KCNJ15: variants seen among roughly 807,000 people sequenced by gnomAD.
KCNJ15 encodes the protein potassium inwardly rectifying channel subfamily J member 15.
Under a neutral mutation model 23.0 loss-of-function variants are expected in KCNJ15, and 14 were observed. The ratio of observed to expected loss-of-function variants is 0.61; its 90% CI spans 0.40 to 0.95. The LOEUF (loss-of-function observed/expected upper bound fraction) is 0.95, where lower values mean the gene tolerates loss of function less well. Ranked by LOEUF, KCNJ15 falls within the 40% of genes least tolerant of loss-of-function variation. KCNJ15 has a pLI of 0.00. For missense variants in KCNJ15, 388 were observed against 461.8 expected (o/e 0.84, Z 1.46); for synonymous variants, 185 against 183.2 (o/e 1.01, Z -0.08).
At position 38,300,260 on chromosome 21, in the gene KCNJ15, T is replaced by C. The variant is rs2146355727; in HGVS notation, c.999T>C (p.Ile333=). The stretch of plus-strand genomic sequence containing the variant: ...CTGATTTCAGTCAGTTTGAACAGAT[T>C]CGGAAAAGCCCAGATTGCACATTTT... ...YVADFSQFEQ[I]RKSPDCTFYC... Residue 333 remains isoleucine (I), a synonymous_variant, in exon 3 of 3, where the codon ATT becomes ATC. Coordinates refer to ENST00000398938, the MANE Select transcript of KCNJ15 (RefSeq NM_170736.3). 1 of 1,614,214 alleles carries C rather than the reference T, an allele frequency of 6.2e-7. No individual in the cohort carries two copies. Among genetic ancestry groups the C allele is most frequent in the Non-Finnish European group, 8.5e-7 (1 of 1,180,042 alleles).
chr21:38,285,990 T>C (rs1983847231), intron 1 of KCNJ15, among the ~76,000 whole-genome samples: 1 of 152,198 alleles, frequency 6.6e-6, no homozygotes, highest in Non-Finnish European at 1.5e-5. Flanking sequence ...ATGCCTGTAA[T>C]CCCAGCACTT....
intron 1 of KCNJ15, among the ~76,000 whole-genome samples, chr21:38,230,357 T>G (rs1466702414): frequency 6.6e-6 from 1 of 152,166 alleles, no homozygotes; most frequent in African/African-American, 2.4e-5. Flanking sequence ...GATCCATTAT[T>G]GTTTTTTAAA....
Position 38,292,213 on chromosome 21 carries a change from T to TCGTCACCTAGAAAA in KCNJ15, c.-116-4712_-116-4699dup, listed in dbSNP as rs1405105482. Among the ~76,000 whole-genome samples, 3 of 152,338 alleles carry TCGTCACCTAGAAAA rather than the reference T, an allele frequency of 2.0e-5. No homozygotes were observed. In the South Asian group the frequency reaches 6.2e-4, roughly 32 times the overall value. ...TTATTTAATTTCTCTAAGCTTAGTT[T>TCGTCACCTAGAAAA]CGTCACCTAGAAAATAGAGAAAATA... On this transcript the variant is annotated intron_variant, in intron 1 of 2. Coordinates refer to ENST00000398938, the MANE Select transcript of KCNJ15 (RefSeq NM_170736.3).
chr21:38,288,026 C>CTTTTTTTTTTTTTTTTTTTTTTTTTTTT lies in KCNJ15; in HGVS notation c.-116-8897_-116-8896insTTTTTTTTTTTTTTTTTTTTTTTTTTTT, dbSNP rs1171718120. Among the ~76,000 whole-genome samples the CTTTTTTTTTTTTTTTTTTTTTTTTTTTT allele has an allele frequency of 1.3e-3, 104 of 78,142 alleles. 42 individuals carry two copies. Among genetic ancestry groups the CTTTTTTTTTTTTTTTTTTTTTTTTTTTT allele is most frequent in the East Asian group, 2.0e-3 (5 of 2,482 alleles). 51.3% of individuals were successfully genotyped at this position (78,142 alleles called of 152,430 possible). A position where few individuals can be genotyped will look rare whatever the true frequency, so the allele number is the denominator to read the frequency against. ...CCATTGTTAAATAACTTGTTTTTTTCTTTGTTTTTTTTTTTTTTTTTTTTT... is the reference window on the plus strand; with the variant it reads ...CCATTGTTAAATAACTTGTTTTTTTCTTTTTTTTTTTTTTTTTTTTTTTTTTTTTTTGTTTTTTTTTTTTTTTTTTTTT... On this transcript the variant is annotated intron_variant, in intron 1 of 2. Transcript: ENST00000398938.
intron 1 of KCNJ15, among the ~76,000 whole-genome samples, chr21:38,289,691 C>T (rs1049102843): frequency 3.3e-5 from 5 of 152,118 alleles, no homozygotes; most frequent in African/African-American, 1.2e-4. Context: ...TGAGATTGTG[C>T]CACTCCACTC....
At chr21:38,248,583 G>T (rs1979611393) in intron 1 of KCNJ15, among the ~76,000 whole-genome samples, 1 of 152,130 alleles carries the variant, frequency 6.6e-6, no homozygotes, top group African/African-American at 2.4e-5. Context: ...AATTGTTTAA[G>T]ATATTTTAAG....
At chr21:38,250,373 C>T (rs1030695850) in intron 1 of KCNJ15, among the ~76,000 whole-genome samples, 1 of 152,078 alleles carries the variant, frequency 6.6e-6, no homozygotes, top group Non-Finnish European at 1.5e-5. Flanking sequence ...CAGTATGTTA[C>T]AAATGAGGAC....
At chr21:38,285,844 C>T (rs1402814698) in intron 1 of KCNJ15, among the ~76,000 whole-genome samples, 1 of 152,164 alleles carries the variant, frequency 6.6e-6, no homozygotes, top group Non-Finnish European at 1.5e-5. Context: ...AGTATTGTCT[C>T]AATTAGTACT....
upstream of KCNJ15, among the ~76,000 whole-genome samples, chr21:38,256,419 G>A (rs2123595068): frequency 6.9e-6 from 1 of 144,476 alleles, no homozygotes; most frequent in East Asian, 2.0e-4. Context: ...AAAAAAATCA[G>A]CTCAATAAAG....
At chr21:38,272,069 A>G (rs879042270) in intron 1 of KCNJ15, among the ~76,000 whole-genome samples, 5 of 152,234 alleles carry the variant, frequency 3.3e-5, no homozygotes, top group Non-Finnish European at 7.3e-5. Flanking sequence ...AGCCCTTTAG[A>G]GAGAATTCAA....
chr21:38,271,989 A>G (rs1701474725), intron 1 of KCNJ15, among the ~76,000 whole-genome samples: 2 of 152,222 alleles, frequency 1.3e-5, no homozygotes, highest in South Asian at 4.1e-4. Context: ...GACAGAAAGC[A>G]TGGGACCATG....
chr21:38,234,678 C>T (rs1248034753), intron 1 of KCNJ15, among the ~76,000 whole-genome samples: 1 of 152,152 alleles, frequency 6.6e-6, no homozygotes, highest in Non-Finnish European at 1.5e-5. Flanking sequence ...TTATAGAGAA[C>T]CAACATGAAT....
intron 1 of KCNJ15, among the ~76,000 whole-genome samples, chr21:38,266,816 G>A (rs756600189): frequency 1.3e-5 from 2 of 152,204 alleles, no homozygotes; most frequent in African/African-American, 2.4e-5. Context: ...TAAGTAACAC[G>A]CTGAGGACAC....
chr21:38,281,184 A>G (rs1375830724), intron 1 of KCNJ15, among the ~76,000 whole-genome samples: 1 of 152,220 alleles, frequency 6.6e-6, no homozygotes, highest in Non-Finnish European at 1.5e-5. Context: ...TTCAAAAATT[A>G]TAGCCTCTCG....
intron 1 of KCNJ15, among the ~76,000 whole-genome samples, chr21:38,243,950 CTGAG>C (rs1438891065): frequency 3.3e-5 from 5 of 152,162 alleles, no homozygotes; most frequent in Non-Finnish European, 7.4e-5. Flanking sequence ...CACTGTGTTT[CTGAG>C]TAAGTTACAT....
intron 1 of KCNJ15, among the ~76,000 whole-genome samples, chr21:38,275,519 CAAAAA>C (rs10709944): frequency 3.4e-5 from 3 of 88,114 alleles, no homozygotes; most frequent in Non-Finnish European, 6.3e-5. Flanking sequence ...GAAACTCCGT[CAAAAA>C]AAAAAAAAAA....
intron 1 of KCNJ15, among the ~76,000 whole-genome samples, chr21:38,232,021 G>T (rs7283389): frequency 0.46 from 69,918 of 151,442 alleles, 16,929 homozygotes; most frequent in East Asian, 0.86. Flanking sequence ...TTGAATAATT[G>T]TAATAATCAT....
chr21:38,276,573 G>C (rs1173933011), intron 1 of KCNJ15, among the ~76,000 whole-genome samples: 1 of 152,170 alleles, frequency 6.6e-6, no homozygotes, highest in Non-Finnish European at 1.5e-5. Flanking sequence ...AGGGTGAGAG[G>C]AAGGAGAAGC....
At chr21:38,256,378 A>G (rs111999607), upstream of KCNJ15, among the ~76,000 whole-genome samples, 4 of 143,606 alleles carry the variant, frequency 2.8e-5, no homozygotes, top group African/African-American at 1.1e-4. Flanking sequence ...ATATATATAT[A>G]TAATATTTAT....
Sources: allele counts gnomAD v4.1 joint callset (sites outside exome capture counted in the v4.1 genomes callset), GRCh38; gene constraint gnomAD v4.1.1; transcripts MANE v1.5; gene names NCBI Gene and HGNC (gene_info 2026-07-23, HGNC 2026-07-21).